Variants in ATIC observed in about 807,000 individuals in gnomAD.
ATIC encodes 5-aminoimidazole-4-carboxamide ribonucleotide formyltransferase/IMP cyclohydrolase, also known as bifunctional purine biosynthesis protein ATIC.
Under a neutral mutation model 72.5 loss-of-function variants are expected in ATIC, and 64 were observed. The ratio of observed to expected loss-of-function variants is 0.88; its 90% CI spans 0.72 to 1.09. The LOEUF is 1.09. Ranked by LOEUF, ATIC falls within the 50% of genes least tolerant of loss-of-function variation. The pLI is 0.00. For synonymous variants in ATIC, 281 were observed against 267.1 expected (o/e 1.05, Z -0.51); for missense variants, 787 against 732.4 (o/e 1.07, Z -0.86).
chr2:215,321,264 C>T (rs779965561), intron 4 of ATIC, among the ~76,000 whole-genome samples: 3 of 152,126 alleles, frequency 2.0e-5, no homozygotes, highest in Non-Finnish European at 4.4e-5. Context: ...GCTTCTTTCA[C>T]TTAGCATGTT....
At chr2:215,350,059 G>T (rs1334778056), downstream of ATIC, among the ~76,000 whole-genome samples, 1 of 152,130 alleles carries the variant, frequency 6.6e-6, no homozygotes, top group Non-Finnish European at 1.5e-5. Flanking sequence ...CATGGGAGTT[G>T]TATATTAAAG....
At position 215,349,688 on chromosome 2, in the gene ATIC, G is replaced by A. The variant is rs907318744; in HGVS notation, c.*33G>A. ...ACACACTGTTTTTTGGCTTGCTTATGTGTAGGTGAACAGTCACGCCTGAAA... is the reference window on the plus strand; with the variant it reads ...ACACACTGTTTTTTGGCTTGCTTATATGTAGGTGAACAGTCACGCCTGAAA... On this transcript the variant is annotated 3_prime_UTR_variant, in exon 16 of 16. Coordinates refer to ENST00000236959, the MANE Select transcript of ATIC (RefSeq NM_004044.7). 2 of 1,614,022 alleles carry A rather than the reference G, an allele frequency of 1.2e-6. No homozygotes were observed. Among genetic ancestry groups the A allele is most frequent in the Non-Finnish European group, 1.7e-6 (2 of 1,180,004 alleles).
At chr2:215,349,020 G>C in intron 14 of ATIC, 74 bp from the exon 15 acceptor site, 1 of 1,487,818 alleles carries the variant, frequency 6.7e-7, no homozygotes, top group Non-Finnish European at 9.2e-7. Context: ...GTGCTTTCTG[G>C]CATGGTGATT....
the ATIC span, among the ~76,000 whole-genome samples, chr2:215,365,966 A>ATTTTTTTTGTT: frequency 1.1e-5 from 1 of 90,354 alleles, no homozygotes; most frequent in Non-Finnish European, 2.0e-5. Context: ...CCACAGTGCT[A>ATTTTTTTTGTT]TTTTTTTTTT....
chr2:215,345,892 C>T lies in ATIC; in HGVS notation c.1321-867C>T, dbSNP rs74465221. ...AGAAAGAGATGGACTGTTGGGCAGA[C>T]AGCTTAGGGGCTGTTCATTATAGGA... On this transcript the variant is annotated intron_variant, in intron 13 of 15. Coordinates refer to ENST00000236959, the MANE Select transcript of ATIC (RefSeq NM_004044.7). Among the ~76,000 whole-genome samples the T allele has an allele frequency of 4.2e-3, 637 of 152,266 alleles. 4 individuals carry two copies. The highest frequency in any genetic ancestry group is 0.015 in the African/African-American group (604 of 41,556).
the ATIC span, chr2:215,360,665 A>G: frequency 3.3e-5 from 5 of 152,520 alleles, no homozygotes; most frequent in Non-Finnish European, 7.3e-5. Context: ...GAAAGTGTAA[A>G]GCTATCTCCA....
chr2:215,360,127 A>G, the ATIC span, among the ~76,000 whole-genome samples: 1 of 152,136 alleles, frequency 6.6e-6, no homozygotes, highest in African/African-American at 2.4e-5. Context: ...TAATAGAGAC[A>G]AGGTTTCACC....
chr2:215,339,695 T>C (rs986270526), intron 12 of ATIC, among the ~76,000 whole-genome samples: 4 of 151,856 alleles, frequency 2.6e-5, no homozygotes, highest in Non-Finnish European at 4.4e-5. Context: ...AGTGCAGTGG[T>C]GCGATCTCGG....
intron 11 of ATIC, among the ~76,000 whole-genome samples, chr2:215,337,238 G>A (rs910194009): frequency 1.3e-5 from 2 of 152,100 alleles, no homozygotes; most frequent in African/African-American, 4.8e-5. Context: ...TCAGAACTCT[G>A]TGGAATCCTA....
At chr2:215,322,741 T>C (rs2052782431) in intron 4 of ATIC, among the ~76,000 whole-genome samples, 1 of 152,196 alleles carries the variant, frequency 6.6e-6, no homozygotes. Context: ...TCTTATTTTA[T>C]TTTGTATGTG....
chr2:215,313,435 G>A (rs981123997), intron 2 of ATIC, among the ~76,000 whole-genome samples: 1 of 152,160 alleles, frequency 6.6e-6, no homozygotes, highest in African/African-American at 2.4e-5. Flanking sequence ...GATTAACCAG[G>A]ATGCCATTGC....
intron 7 of ATIC, 54 bp from the exon 8 acceptor site, chr2:215,332,328 C>T (rs1367192372): frequency 4.3e-6 from 7 of 1,611,260 alleles, no homozygotes; most frequent in Non-Finnish European, 5.9e-6. Context: ...AGTGTGCATA[C>T]ATCTGACCTT....
chr2:215,326,379 C>T (rs1326151378), intron 6 of ATIC, among the ~76,000 whole-genome samples: 10 of 151,918 alleles, frequency 6.6e-5, no homozygotes, highest in South Asian at 2.1e-4. Flanking sequence ...CCGAGGCGGG[C>T]GGATCACCTG....
chr2:215,316,784 C>T (rs756558711), intron 2 of ATIC, among the ~76,000 whole-genome samples: 17 of 151,942 alleles, frequency 1.1e-4, no homozygotes, highest in East Asian at 7.7e-4. Context: ...TTTTTTGAGA[C>T]GGAGTTTTGC....
chr2:215,348,458 T>TA lies in ATIC; in HGVS notation c.1504-636_1504-635insA, dbSNP rs547012807. ...ACGAAGTAGATTTAAATTAGAGATT[T>TA]TAAAACAGTGTATTTTTATGTAAGT... On this transcript the variant is annotated intron_variant, in intron 14 of 15. Coordinates refer to ENST00000236959, the MANE Select transcript of ATIC (RefSeq NM_004044.7). 4.9e-3 allele frequency among the ~76,000 whole-genome samples: 741 copies of TA among 152,270 alleles called. 4 individuals are homozygous for TA. Among genetic ancestry groups the TA allele is most frequent in the Non-Finnish European group, 8.7e-3 (590 of 68,008 alleles).
At chr2:215,340,944 G>C (rs1297690380) in intron 12 of ATIC, among the ~76,000 whole-genome samples, 1 of 152,122 alleles carries the variant, frequency 6.6e-6, no homozygotes, top group Non-Finnish European at 1.5e-5. Flanking sequence ...TGTCCGCTCT[G>C]CCCAGCATTT....
At chr2:215,347,014 C>T in intron 14 of ATIC, 73 bp downstream of exon 14, 1 of 1,520,806 alleles carries the variant, frequency 6.6e-7, no homozygotes, top group Non-Finnish European at 9.1e-7. Flanking sequence ...CAGATTTTAA[C>T]TTCATCACCA....
chr2:215,315,185 T>C (rs2052695667), intron 2 of ATIC, among the ~76,000 whole-genome samples: 1 of 152,166 alleles, frequency 6.6e-6, no homozygotes, highest in South Asian at 2.1e-4. Context: ...TTTCTTTACG[T>C]CCAGCTCCTA....
intron 9 of ATIC, among the ~76,000 whole-genome samples, chr2:215,334,568 C>T (rs12477903): frequency 0.22 from 33,355 of 151,820 alleles, 3,837 homozygotes; most frequent in East Asian, 0.5. Flanking sequence ...CCATGAATAT[C>T]CCTTTAGTAT....
Sources: allele counts gnomAD v4.1 joint callset (sites outside exome capture counted in the v4.1 genomes callset), GRCh38; gene constraint gnomAD v4.1.1; transcripts MANE v1.5; gene names NCBI Gene and HGNC (gene_info 2026-07-23, HGNC 2026-07-21).